Variants in ST6GALNAC4 observed in about 807,000 individuals in gnomAD.
The protein encoded by ST6GALNAC4 is ST6 N-acetylgalactosaminide alpha-2,6-sialyltransferase 4.
A neutral mutation model predicts 30.4 loss-of-function variants in ST6GALNAC4; 24 were observed. That is an observed-to-expected ratio of 0.79 (90% CI 0.57 to 1.11). The LOEUF (loss-of-function observed/expected upper bound fraction) is 1.11, where lower values mean the gene tolerates loss of function less well. ST6GALNAC4 is among the 50% of genes most tolerant of loss of function. The pLI is 0.00. For synonymous variants in ST6GALNAC4, 156 were observed against 179.7 expected, an observed-to-expected ratio of 0.87 and a Z score of 1.05; for missense variants, 365 against 430.1, an observed-to-expected ratio of 0.85 and a Z score of 1.34.
intron 5 of ST6GALNAC4, among the ~76,000 whole-genome samples, chr9:127,909,556 T>TAC (rs1323220685): frequency 6.7e-6 from 1 of 150,352 alleles, no homozygotes; most frequent in Non-Finnish European, 1.5e-5. Flanking sequence ...CACTGATATA[T>TAC]ATATATATAT....
Position 127,914,697 on chromosome 9 carries a change from G to C in ST6GALNAC4, c.157C>G (p.Pro53Ala). 1.2e-6 allele frequency: 2 copies of C among 1,612,986 alleles called. No individual in the cohort carries two copies. Among genetic ancestry groups the C allele is most frequent in the Non-Finnish European group, 1.7e-6 (2 of 1,179,468 alleles). The change falls in exon 3 of 6, where the codon CCC (proline) becomes GCC (alanine). Residue 53 changes from proline to alanine, a missense_variant. Physicochemically the swap from Pro to Ala is conservative, Grantham distance 27. Transcript: ENST00000335791. ...CTGCTATATCCACTGAAGTGCAGGG[G>C]TCCCGGCACAGTGGGCCTGGAGCCT... ...PTGSRPTVPG[P>A]LHFSGYSSVP... is the part of the protein sequence containing the mutation.
Position 127,910,455 on chromosome 9 carries a change from A to T in ST6GALNAC4, c.612-397T>A, listed in dbSNP as rs1235817128. The T allele has an allele frequency of 4.9e-6, 5 of 1,028,696 alleles. No individual in the cohort carries two copies. In the East Asian group the frequency reaches 5.0e-4, roughly 104 times the overall value. 63.7% of individuals were successfully genotyped at this position (1,028,696 alleles called of 1,614,324 possible). A position where few individuals can be genotyped will look rare whatever the true frequency, so the allele number is the denominator to read the frequency against. On this transcript the variant is annotated intron_variant, in intron 4 of 5. Coordinates refer to ENST00000335791, the MANE Select transcript of ST6GALNAC4 (RefSeq NM_175039.4). Reference sequence around the variant, plus strand: ...GGTGGGGGTTCTCTAGAGTCCAAGGATCTTCCACTTGAACCCTGGCTCTGC... The same window carrying T: ...GGTGGGGGTTCTCTAGAGTCCAAGGTTCTTCCACTTGAACCCTGGCTCTGC...
chr9:127,908,658 A>C, intron 5 of ST6GALNAC4, 77 bp from the exon 6 acceptor site: 5 of 1,360,422 alleles, frequency 3.7e-6, no homozygotes, highest in Admixed American at 2.5e-5. Context: ...TACCTTGACC[A>C]CCCCTCGCCA....
At position 127,916,580 on chromosome 9, in the gene ST6GALNAC4, C is replaced by G. The variant is rs544642834; in HGVS notation, c.-75-86G>C. The G allele has an allele frequency of 1.4e-5, 11 of 784,352 alleles. 1 individual carries two copies. Among genetic ancestry groups the G allele is most frequent in the East Asian group, 1.3e-4 (5 of 39,324 alleles). 48.6% of individuals were successfully genotyped at this position (784,352 alleles called of 1,614,324 possible). Reference sequence around the variant, plus strand: ...GGGAAAACTGAGGCAGGAGAGGGTACAGGCCGGGGTGAAAGCACATGGCAC... The same window carrying G: ...GGGAAAACTGAGGCAGGAGAGGGTAGAGGCCGGGGTGAAAGCACATGGCAC... On this transcript the variant is annotated intron_variant, in intron 1 of 5. Coordinates refer to ENST00000335791, the MANE Select transcript of ST6GALNAC4 (RefSeq NM_175039.4).
At chr9:127,913,322 C>T (rs576897678) in intron 3 of ST6GALNAC4, among the ~76,000 whole-genome samples, 1 of 152,338 alleles carries the variant, frequency 6.6e-6, no homozygotes, top group African/African-American at 2.4e-5. Context: ...CGGTGGCTCA[C>T]GCCTGTAATC....
At chr9:127,909,399 A>G (rs1416702057) in intron 5 of ST6GALNAC4, among the ~76,000 whole-genome samples, 3 of 151,576 alleles carry the variant, frequency 2.0e-5, no homozygotes, top group Admixed American at 6.6e-5. Flanking sequence ...CAAAAAAAAA[A>G]AAAGAAATAT....
chr9:127,915,632 C>T (rs1831179260), intron 2 of ST6GALNAC4, among the ~76,000 whole-genome samples: 1 of 152,184 alleles, frequency 6.6e-6, no homozygotes, highest in Non-Finnish European at 1.5e-5. Flanking sequence ...GTCCTGCTGG[C>T]AGACTTAGTG....
In ST6GALNAC4 at chr9:127,914,702, G is replaced by C; in HGVS notation, c.152C>G (p.Pro51Arg). Reference sequence around the variant, plus strand: ...ATATCCACTGAAGTGCAGGGGTCCCGGCACAGTGGGCCTGGAGCCTGTGGG... The same window carrying C: ...ATATCCACTGAAGTGCAGGGGTCCCCGCACAGTGGGCCTGGAGCCTGTGGG... The part of the protein sequence containing the change: ...HFPTGSRPTV[P>R]GPLHFSGYSS... The change falls in exon 3 of 6, where the codon CCG (proline) becomes CGG (arginine). Residue 51 changes from proline (P) to arginine (R), a missense_variant. Transcript: ENST00000335791. 1 of 1,612,720 alleles carries C rather than the reference G, an allele frequency of 6.2e-7. No homozygotes were observed. Among genetic ancestry groups the C allele is most frequent in the Admixed American group, 1.7e-5 (1 of 59,930 alleles).
In ST6GALNAC4 at chr9:127,908,336, G is replaced by T. The variant is rs1830979034; in HGVS notation, c.*56C>A. The T allele has an allele frequency of 4.1e-6, 6 of 1,459,184 alleles. No homozygotes were observed. In the East Asian group the frequency reaches 1.4e-4, roughly 35 times the overall value. The allele number at this position is 1,459,184 out of a possible 1,614,324, so 90.4% of individuals were successfully genotyped here. ...TGTTTTTGTGGAGTGTGATGGCTTG[G>T]GATGGGACATCCCGGAGGCCTCGCA... On this transcript the variant is annotated 3_prime_UTR_variant, in exon 6 of 6. Transcript: ENST00000335791.
chr9:127,910,975 C>T (rs1309453050), intron 4 of ST6GALNAC4, among the ~76,000 whole-genome samples: 6 of 152,074 alleles, frequency 3.9e-5, no homozygotes, highest in East Asian at 3.9e-4. Context: ...GTGGTCAGGG[C>T]GGGCTTCCCT....
chr9:127,914,932 AAGCTCCTGGGTCTAGAGC>A, intron 2 of ST6GALNAC4, 91 bp from the exon 3 acceptor site: 1 of 1,236,898 alleles, frequency 8.1e-7, no homozygotes, highest in Non-Finnish European at 1.1e-6. Context: ...GGGTCTAGAG[AAGCTCCTGGGTCTAGAGC>A]AGCTCCTAGA....
chr9:127,914,792 T>C lies in ST6GALNAC4; in HGVS notation c.62A>G (p.Tyr21Cys), dbSNP rs1226840766. ...ILCSVVFSAV[Y>C]ILLCCWAGLP... ...GCCGGCCCAGCAGCACAGGAGGATG[T>C]AGACGGCAGAGAAGACCACGGAGCA... Residue 21 changes from tyrosine (Y) to cysteine (C), a missense_variant, in exon 3 of 6, where the codon TAC (tyrosine) becomes TGC (cysteine). Tyr to Cys is a radical substitution (Grantham distance 194, BLOSUM62 -2). Coordinates refer to ENST00000335791, the MANE Select transcript of ST6GALNAC4 (RefSeq NM_175039.4). The C allele has an allele frequency of 6.3e-7, 1 of 1,592,582 alleles. No individual in the cohort carries two copies. The highest frequency in any genetic ancestry group is 1.7e-4 in the Middle Eastern group (1 of 5,884).
intron 4 of ST6GALNAC4, among the ~76,000 whole-genome samples, chr9:127,911,213 G>GA (rs1315021453): frequency 6.6e-6 from 1 of 152,186 alleles, no homozygotes; most frequent in African/African-American, 2.4e-5. Context: ...GAGTGGTGGG[G>GA]GCGGGAAGCC....
intron 2 of ST6GALNAC4, among the ~76,000 whole-genome samples, chr9:127,915,483 A>G (rs1256691267): frequency 2.0e-5 from 3 of 152,170 alleles, no homozygotes; most frequent in African/African-American, 7.2e-5. Flanking sequence ...AGGAGATTGG[A>G]GCAAAGGTCA....
intron 3 of ST6GALNAC4, 92 bp from the exon 4 acceptor site, chr9:127,912,772 T>C: frequency 7.1e-7 from 1 of 1,406,794 alleles, no homozygotes; most frequent in East Asian, 2.5e-5. Context: ...CCAATCTTGC[T>C]TGATCAGGTA....
At chr9:127,913,104 T>C (rs560874450) in intron 3 of ST6GALNAC4, among the ~76,000 whole-genome samples, 60 of 152,366 alleles carry the variant, frequency 3.9e-4, no homozygotes, top group Non-Finnish European at 7.3e-4. Context: ...CTCCCTCCCC[T>C]GCACATGCCT....
Position 127,914,720 on chromosome 9 carries a change from C to T in ST6GALNAC4, c.134G>A (p.Gly45Asp). Residue 45 changes from glycine (G) to aspartate (D), a missense_variant, in exon 3 of 6, where the codon GGC becomes GAC. Coordinates refer to ENST00000335791, the MANE Select transcript of ST6GALNAC4 (RefSeq NM_175039.4). ...GGGTCCCGGCACAGTGGGCCTGGAG[C>T]CTGTGGGGAAGTGGTGGTCCAGGCA... is the stretch of plus-strand genomic sequence containing the variant. The part of the protein sequence containing the change: ...ATCLDHHFPT[G>D]SRPTVPGPLH... 2 of 1,611,442 alleles carry T rather than the reference C, an allele frequency of 1.2e-6. No individual in the cohort carries two copies. Among genetic ancestry groups the T allele is most frequent in the Non-Finnish European group, 1.7e-6 (2 of 1,178,704 alleles).
Position 127,914,664 on chromosome 9 carries a change from C to T in ST6GALNAC4, c.190G>A (p.Asp64Asn), listed in dbSNP as rs756165369. 1.9e-6 allele frequency: 3 copies of T among 1,609,710 alleles called. No homozygotes were observed. The highest frequency in any genetic ancestry group is 2.5e-6 in the Non-Finnish European group (3 of 1,178,074). Residue 64 changes from aspartate to asparagine, a missense_variant, in exon 3 of 6, where the codon GAT becomes AAT. Coordinates refer to ENST00000335791, the MANE Select transcript of ST6GALNAC4 (RefSeq NM_175039.4). The part of the protein sequence containing the change: ...LHFSGYSSVP[D>N]GKPLVREPCR... ...TTGCCTGGCCCACTCACCTTCCCATCTGGCACACTGCTATATCCACTGAAG... is the reference window on the plus strand; with the variant it reads ...TTGCCTGGCCCACTCACCTTCCCATTTGGCACACTGCTATATCCACTGAAG...
chr9:127,916,325 G>T, intron 2 of ST6GALNAC4, 83 bp downstream of exon 2: 1 of 1,584,466 alleles, frequency 6.3e-7, no homozygotes, highest in Non-Finnish European at 8.7e-7. Context: ...AGTGGCAGTG[G>T]GTCCTGGGGT....
Sources: allele counts gnomAD v4.1 joint callset (sites outside exome capture counted in the v4.1 genomes callset), GRCh38; gene constraint gnomAD v4.1.1; transcripts MANE v1.5; gene names NCBI Gene and HGNC (gene_info 2026-07-23, HGNC 2026-07-21).